The following SFTPB variants were observed in gnomAD, a reference collection of about 807,000 sequenced individuals.
SFTPB encodes surfactant protein B, also known as pulmonary surfactant-associated protein B.
SFTPB carries 32 observed loss-of-function variants against 51.0 expected under a neutral mutation model. That is an observed-to-expected ratio of 0.63 (90% CI 0.47 to 0.84). The LOEUF is 0.84. SFTPB is among the 40% of genes least tolerant of loss of function. The pLI is 0.00. For missense variants in SFTPB, 431 were observed against 491.2 expected (o/e 0.88, Z 1.16); for synonymous variants, 211 against 208.5 (o/e 1.01, Z -0.10).
chr2:85,666,760 G>A lies in SFTPB; in HGVS notation c.268-18C>T, dbSNP rs375244496. The A allele has an allele frequency of 1.7e-5, 27 of 1,613,406 alleles. No homozygotes were observed. The highest frequency in any genetic ancestry group is 6.7e-5 in the East Asian group (3 of 44,874). ...ATCGTGTCCTGGGAGGCCAGAGGGGGCCGTCAGCTGGGCCTCTCTGAGGTC... is the reference window on the plus strand; with the variant it reads ...ATCGTGTCCTGGGAGGCCAGAGGGGACCGTCAGCTGGGCCTCTCTGAGGTC... On this transcript the variant is annotated intron_variant, in intron 3 of 10. Transcript: ENST00000519937.
chr2:85,666,572 G>T (rs757054997), intron 4 of SFTPB, 45 bp downstream of exon 4: 2 of 1,603,112 alleles, frequency 1.2e-6, no homozygotes, highest in Admixed American at 3.4e-5. Context: ...TGGGCACAGG[G>T]GCCTGCGTGG....
chr2:85,664,533 C>T (rs1325979071), intron 6 of SFTPB, among the ~76,000 whole-genome samples: 2 of 152,118 alleles, frequency 1.3e-5, no homozygotes, highest in East Asian at 1.9e-4. Flanking sequence ...GGCGTGATGT[C>T]GGCTCACTGC....
At chr2:85,660,125 T>C (rs994099450) in intron 10 of SFTPB, among the ~76,000 whole-genome samples, 3 of 149,312 alleles carry the variant, frequency 2.0e-5, no homozygotes, top group African/African-American at 7.4e-5. Flanking sequence ...CCCACTACTT[T>C]TTTTTTTTTT....
rs1456474335 is a variant in SFTPB at position 85,666,552 on chromosome 2, TC to T, written c.393+64del. ...CTGGCTGGGGTGCTGTGTGTGTGGCTCCCCATGGGTGGGCACAGGGGCCTGC... is the reference window on the plus strand; with the variant it reads ...CTGGCTGGGGTGCTGTGTGTGTGGCTCCCATGGGTGGGCACAGGGGCCTGC... On this transcript the variant is annotated intron_variant, in intron 4 of 10. Coordinates refer to ENST00000519937, the MANE Select transcript of SFTPB (RefSeq NM_000542.5). 2.0e-5 allele frequency: 32 copies of T among 1,566,964 alleles called. No homozygotes were observed. The African/African-American group carries it at 3.1e-4, about 15-fold the overall frequency.
chr2:85,659,831 G>T (rs997908628), intron 10 of SFTPB, 149 bp from the exon 11 acceptor site: 1 of 152,552 alleles, frequency 6.6e-6, no homozygotes, highest in Non-Finnish European at 1.5e-5. Flanking sequence ...GGAGCCCTAG[G>T]AGCTGGGGAA....
intron 4 of SFTPB, 176 bp downstream of exon 4, chr2:85,666,441 G>GTGTCCGGCTGGCTGGGGTGCTGTGTGTT: frequency 1.7e-6 from 1 of 587,254 alleles, no homozygotes; most frequent in South Asian, 1.8e-5. Context: ...GTGTGTGTGT[G>GTGTCCGGCTGGCTGGGGTGCTGTGTGTT]TGTGTCCGGC....
At chr2:85,666,533 G>C in intron 4 of SFTPB, 84 bp downstream of exon 4, 1 of 1,404,582 alleles carries the variant, frequency 7.1e-7, no homozygotes, top group Non-Finnish European at 9.9e-7. Context: ...CTGGCTGGCT[G>C]GGGTGCTGTG....
chr2:85,662,203 G>A (rs1677342149), intron 8 of SFTPB, 94 bp from the exon 9 acceptor site: 1 of 1,546,222 alleles, frequency 6.5e-7, no homozygotes, highest in African/African-American at 1.4e-5. Flanking sequence ...TCACTCTAGG[G>A]CTCCCTCCCG....
In SFTPB at chr2:85,665,716, C is replaced by G. The variant is rs778541429; in HGVS notation, c.472G>C (p.Asp158His). The G allele has an allele frequency of 7.6e-5, 123 of 1,614,112 alleles. No homozygotes were observed. Among genetic ancestry groups the G allele is most frequent in the Middle Eastern group, 1.6e-4 (1 of 6,082 alleles). ...TCCCGCAGAGGTTTGGGCAGGGGGT[C>G]TGACATCCCTGGCTCCTGCTCTGGC... ...PEPEQEPGMS[D>H]PLPKPLRDPL... Residue 158 changes from aspartate to histidine, a missense_variant, in exon 5 of 11, where the codon GAC becomes CAC. Asp to His is a moderately conservative substitution (Grantham distance 81). Coordinates refer to ENST00000519937, the MANE Select transcript of SFTPB (RefSeq NM_000542.5).
chr2:85,662,532 G>A (rs1310680586), intron 8 of SFTPB, among the ~76,000 whole-genome samples: 2 of 152,152 alleles, frequency 1.3e-5, no homozygotes, highest in Admixed American at 1.3e-4. Flanking sequence ...CTCAGGACAG[G>A]ATCTCGCTTT....
intron 4 of SFTPB, chr2:85,666,403 G>A (rs773080919): frequency 1.9e-6 from 1 of 535,280 alleles, no homozygotes. Flanking sequence ...GTGTGTGTGT[G>A]TGTCCGGCCA....
rs1411620811 is a variant in SFTPB, at chr2:85,661,442, GC to G, written c.*19+11del. On this transcript the variant is annotated intron_variant, in intron 10 of 10. Transcript: ENST00000519937. ...CCCCCTTACCTCCCCGCAACTGGGG[GC>G]CTGGACTCACCTGGACAGCTGAGTT... 6.3e-7 allele frequency: 1 copy of G among 1,589,040 alleles called. No individual in the cohort carries two copies. Among genetic ancestry groups the G allele is most frequent in the Non-Finnish European group, 8.6e-7 (1 of 1,163,048 alleles).
chr2:85,668,334 AACAC>A, upstream of SFTPB: 8 of 725,310 alleles, frequency 1.1e-5, no homozygotes, highest in Non-Finnish European at 1.9e-5. Context: ...TCCCAGCAGG[AACAC>A]TCCTGCCTGC....
At chr2:85,667,486 G>A (rs376467080) in intron 2 of SFTPB, among the ~76,000 whole-genome samples, 193 bp downstream of exon 2, 5 of 150,024 alleles carry the variant, frequency 3.3e-5, no homozygotes, top group South Asian at 2.1e-4. Context: ...CCATTCATCC[G>A]ACTCCATCTA....
At chr2:85,661,355 G>C in intron 10 of SFTPB, 99 bp downstream of exon 10, 1 of 821,632 alleles carries the variant, frequency 1.2e-6, no homozygotes. Context: ...GCCGGCAGGA[G>C]TGGCCGCCTC....
chr2:85,661,886 G>A, intron 9 of SFTPB, 143 bp downstream of exon 9: 1 of 714,766 alleles, frequency 1.4e-6, no homozygotes, highest in Non-Finnish European at 2.4e-6. Flanking sequence ...GAAACAGAGA[G>A]GGGTGCCTCC....
chr2:85,666,466 T>G, intron 4 of SFTPB, 151 bp downstream of exon 4: 3 of 700,000 alleles, frequency 4.3e-6, no homozygotes, highest in Non-Finnish European at 4.8e-6. Flanking sequence ...TGGGGTGCTG[T>G]GTGTTTGTGT....
chr2:85,665,616 G>A lies in SFTPB; in HGVS notation c.572C>T (p.Pro191Leu), dbSNP rs377545629. The A allele has an allele frequency of 6.2e-7, 1 of 1,613,692 alleles. No individual in the cohort carries two copies. The highest frequency in any genetic ancestry group is 1.3e-5 in the African/African-American group (1 of 75,030). ...LPGALQARPG[P>L]HTQDLSEQQF... ...GGGGGCCTCCCTCACCTGTGTGTGAGGCCCAGGCCTCGCCTGGAGGGCCCC... is the reference window on the plus strand; with the variant it reads ...GGGGGCCTCCCTCACCTGTGTGTGAAGCCCAGGCCTCGCCTGGAGGGCCCC... Residue 191 changes from proline (P) to leucine (L), a missense_variant, in exon 5 of 11, where the codon CCT becomes CTT. Pro to Leu is a moderately conservative substitution (Grantham distance 98, BLOSUM62 -3). Coordinates refer to ENST00000519937, the MANE Select transcript of SFTPB (RefSeq NM_000542.5).
At chr2:85,662,253 T>C in intron 8 of SFTPB, 144 bp from the exon 9 acceptor site, 1 of 1,506,298 alleles carries the variant, frequency 6.6e-7, no homozygotes, top group Non-Finnish European at 8.9e-7. Flanking sequence ...CTGGCTGCAG[T>C]TGAAACCCTT....
Sources: allele counts gnomAD v4.1 joint callset (sites outside exome capture counted in the v4.1 genomes callset), GRCh38; gene constraint gnomAD v4.1.1; transcripts MANE v1.5; gene names NCBI Gene and HGNC (gene_info 2026-07-23, HGNC 2026-07-21).